The following TXNDC15 variants were observed in gnomAD, a reference collection of about 807,000 sequenced individuals.
The protein encoded by TXNDC15 is thioredoxin domain containing 15, also known as thioredoxin domain-containing protein 15.
Under a neutral mutation model 35.0 loss-of-function variants are expected in TXNDC15, and 24 were observed. The ratio of observed to expected loss-of-function variants is 0.68; its 90% confidence interval spans 0.50 to 0.96. TXNDC15 has a LOEUF of 0.96. Ranked by LOEUF, TXNDC15 falls within the 40% of genes least tolerant of loss-of-function variation. The probability of loss-of-function intolerance (pLI) is 0.00; values close to 1 mark genes in which losing one functional copy is unlikely to be tolerated. For synonymous variants in TXNDC15, 169 were observed against 174.0 expected, an observed-to-expected ratio of 0.97 and a Z score of 0.23; for missense variants, 385 against 453.3, an observed-to-expected ratio of 0.85 and a Z score of 1.37.
chr5:134,901,145 C>G lies in TXNDC15; in HGVS notation c.*1460C>G, dbSNP rs948710968. On this transcript the variant is annotated 3_prime_UTR_variant, in exon 5 of 5. Coordinates refer to ENST00000358387, the MANE Select transcript of TXNDC15 (RefSeq NM_024715.4). ...GATTCCTTAAATTCAGATATGACAG[C>G]TAATTACCTCATCATAAATTACTTT... is the stretch of plus-strand genomic sequence containing the variant. 6 of 152,206 alleles carry G rather than the reference C, an allele frequency of 3.9e-5. No individual in the cohort carries two copies. The highest frequency in any genetic ancestry group is 1.4e-4 in the African/African-American group (6 of 41,460). The allele number at this position is 152,206 out of a possible 1,614,324, so 9.4% of individuals were successfully genotyped here. A position where few individuals can be genotyped will look rare whatever the true frequency, so the allele number is the denominator to read the frequency against.
At chr5:134,875,732 C>T (rs1028190602) in intron 1 of TXNDC15, among the ~76,000 whole-genome samples, 4 of 151,872 alleles carry the variant, frequency 2.6e-5, no homozygotes, top group East Asian at 1.9e-4. Context: ...TGCAGTGGCG[C>T]GATCTTGGCT....
In TXNDC15 at chr5:134,900,130, G is replaced by A. The variant is rs1750570188; in HGVS notation, c.*445G>A. ...GTTTTTCTTCTAGAGTCCATAGCAGGAAAGTATGTAACCAGAATTGGTTAG... is the reference window on the plus strand; with the variant it reads ...GTTTTTCTTCTAGAGTCCATAGCAGAAAAGTATGTAACCAGAATTGGTTAG... On this transcript the variant is annotated 3_prime_UTR_variant, in exon 5 of 5. Coordinates refer to ENST00000358387, the MANE Select transcript of TXNDC15 (RefSeq NM_024715.4). 6.5e-6 allele frequency: 1 copy of A among 153,138 alleles called. No individual in the cohort carries two copies. The highest frequency in any genetic ancestry group is 1.5e-5 in the Non-Finnish European group (1 of 68,788). The allele number at this position is 153,138 out of a possible 1,614,324, so 9.5% of individuals were successfully genotyped here. A position where few individuals can be genotyped will look rare whatever the true frequency, so the allele number is the denominator to read the frequency against.
intron 2 of TXNDC15, chr5:134,893,095 CA>C (rs1750420363): frequency 6.4e-6 from 1 of 157,476 alleles, no homozygotes; most frequent in Non-Finnish European, 1.4e-5. Context: ...GCCGAGTTGC[CA>C]CAAACTTTCA....
intron 3 of TXNDC15, 92 bp downstream of exon 3, chr5:134,893,747 G>T (rs1183558138): frequency 1.6e-5 from 25 of 1,515,712 alleles, no homozygotes; most frequent in East Asian, 9.0e-5. Context: ...AAGCAGAAGA[G>T]GGGGGGCATG....
intron 1 of TXNDC15, among the ~76,000 whole-genome samples, chr5:134,874,797 G>A (rs1749999332): frequency 6.6e-6 from 1 of 152,270 alleles, no homozygotes; most frequent in Non-Finnish European, 1.5e-5. Context: ...GTAGCCAGGA[G>A]GGACAGTGCG....
rs1394840338 is a variant in TXNDC15 at position 134,899,637 on chromosome 5, G to T, written c.1035G>T (p.Glu345Asp). ...SFIMYATIRTESIRWLIPGQE... is the reference protein window; with the variant it reads ...SFIMYATIRTDSIRWLIPGQE... ...TTATGTATGCTACCATTCGAACTGAGAGTATTCGGTGGCTAATTCCAGGAC... is the reference window on the plus strand; with the variant it reads ...TTATGTATGCTACCATTCGAACTGATAGTATTCGGTGGCTAATTCCAGGAC... Residue 345 changes from glutamate (E) to aspartate (D), a missense_variant, in exon 5 of 5, where the codon GAG becomes GAT. Physicochemically the swap from Glu to Asp is conservative, Grantham distance 45. Transcript: ENST00000358387. 1.2e-6 allele frequency: 2 copies of T among 1,613,282 alleles called. No homozygotes were observed. Among genetic ancestry groups the T allele is most frequent in the Non-Finnish European group, 1.7e-6 (2 of 1,179,782 alleles).
At chr5:134,874,141 G>C (rs2150181995), upstream of TXNDC15, 1 of 335,862 alleles carries the variant, frequency 3.0e-6, no homozygotes. Context: ...GAAGAAAGGA[G>C]GCCATGGGCC....
At chr5:134,888,283 T>C (rs1341327155) in intron 2 of TXNDC15, 101 bp downstream of exon 2, 7 of 1,227,678 alleles carry the variant, frequency 5.7e-6, no homozygotes, top group Non-Finnish European at 7.9e-6. Flanking sequence ...CTTGATCATA[T>C]TGTAAGCGAG....
In TXNDC15 at chr5:134,893,593, C is replaced by G. The variant is rs780613213; in HGVS notation, c.693C>G (p.Asn231Lys). Residue 231 changes from asparagine to lysine, a missense_variant, in exon 3 of 5, where the codon AAC becomes AAG. By Grantham distance (94) the Asn-to-Lys change is moderately conservative. Coordinates refer to ENST00000358387, the MANE Select transcript of TXNDC15 (RefSeq NM_024715.4). Reference protein sequence around the residue: ...RFSASLAPHFNSLPRAFPALH... With the variant: ...RFSASLAPHFKSLPRAFPALH... The stretch of plus-strand genomic sequence containing the variant: ...CTGCCAGTTTGGCCCCTCACTTTAA[C>G]TCTCTGCCCCGGGCATTTCCAGCTC... 4 of 1,614,226 alleles carry G rather than the reference C, an allele frequency of 2.5e-6. No homozygotes were observed. In the Admixed American group the frequency reaches 6.7e-5, roughly 27 times the overall value.
At chr5:134,896,981 G>T (rs1386910789) in intron 4 of TXNDC15, among the ~76,000 whole-genome samples, 1 of 151,682 alleles carries the variant, frequency 6.6e-6, no homozygotes, top group Non-Finnish European at 1.5e-5. Context: ...TCACTCTGTT[G>T]CCCAGGCTGG....
At chr5:134,889,882 A>G (rs931780026) in intron 2 of TXNDC15, among the ~76,000 whole-genome samples, 36 of 152,230 alleles carry the variant, frequency 2.4e-4, no homozygotes, top group African/African-American at 8.4e-4. Flanking sequence ...AAAAATGTAT[A>G]TACCTTAATT....
In TXNDC15 at chr5:134,899,808, C is replaced by A; in HGVS notation, c.*123C>A. On this transcript the variant is annotated 3_prime_UTR_variant, in exon 5 of 5. Transcript: ENST00000358387. Reference sequence around the variant, plus strand: ...GAAACTTCAGGCAGATTAAAAGAATCATTTGTTGAACAACTGAATGTATAA... The same window carrying A: ...GAAACTTCAGGCAGATTAAAAGAATAATTTGTTGAACAACTGAATGTATAA... The A allele has an allele frequency of 3.8e-6, 3 of 798,712 alleles. No individual in the cohort carries two copies. The highest frequency in any genetic ancestry group is 3.8e-6 in the Non-Finnish European group (2 of 528,702). The allele number at this position is 798,712 out of a possible 1,614,324, so 49.5% of individuals were successfully genotyped here. A position where few individuals can be genotyped will look rare whatever the true frequency, so the allele number is the denominator to read the frequency against.
intron 2 of TXNDC15, among the ~76,000 whole-genome samples, chr5:134,891,045 C>A (rs1485704178): frequency 6.6e-6 from 1 of 152,218 alleles, no homozygotes; most frequent in African/African-American, 2.4e-5. Flanking sequence ...TCCTAGTTTT[C>A]TTGCTATTTC....
At chr5:134,887,628 C>G in intron 1 of TXNDC15, 67 bp from the exon 2 acceptor site, 3 of 1,511,400 alleles carry the variant, frequency 2.0e-6, no homozygotes, top group Non-Finnish European at 2.7e-6. Flanking sequence ...TAGAGGGGAA[C>G]TGTAATTCTT....
rs1370858717 is a variant in TXNDC15, at chr5:134,901,550, G to T, written c.*1865G>T. On this transcript the variant is annotated 3_prime_UTR_variant, in exon 5 of 5. Coordinates refer to ENST00000358387, the MANE Select transcript of TXNDC15 (RefSeq NM_024715.4). ...ACCTCTTATATTGAGTTATTACTGT[G>T]TGAGTGCCAAGTACTGTTTTAGATG... The T allele has an allele frequency of 1.3e-5, 2 of 152,342 alleles. No homozygotes were observed. The highest frequency in any genetic ancestry group is 2.9e-5 in the Non-Finnish European group (2 of 68,028). The allele number at this position is 152,342 out of a possible 1,614,324, so 9.4% of individuals were successfully genotyped here.
At chr5:134,884,149 G>A (rs1287753203) in intron 1 of TXNDC15, among the ~76,000 whole-genome samples, 2 of 150,750 alleles carry the variant, frequency 1.3e-5, no homozygotes, top group South Asian at 2.1e-4. Context: ...GAACCCGGGA[G>A]GTGGAGGCTG....
intron 1 of TXNDC15, among the ~76,000 whole-genome samples, chr5:134,886,936 C>G (rs1293189208): frequency 6.6e-6 from 1 of 152,230 alleles, no homozygotes; most frequent in East Asian, 1.9e-4. Flanking sequence ...TTGCCCATCT[C>G]ACAGGACTGT....
chr5:134,890,590 A>G (rs1750371084), intron 2 of TXNDC15, among the ~76,000 whole-genome samples: 1 of 151,908 alleles, frequency 6.6e-6, no homozygotes, highest in African/African-American at 2.4e-5. Flanking sequence ...TTGTATTTTT[A>G]GTAGAGACAG....
At chr5:134,874,852 AT>A (rs1726324246) in intron 1 of TXNDC15, among the ~76,000 whole-genome samples, 1 of 152,272 alleles carries the variant, frequency 6.6e-6, no homozygotes, top group African/African-American at 2.4e-5. Flanking sequence ...GCAATTTATT[AT>A]TAATAACATT....
Sources: allele counts gnomAD v4.1 joint callset (sites outside exome capture counted in the v4.1 genomes callset), GRCh38; gene constraint gnomAD v4.1.1; transcripts MANE v1.5; gene names NCBI Gene and HGNC (gene_info 2026-07-23, HGNC 2026-07-21).